Variants in CCR6 observed in about 807,000 individuals in gnomAD.
The protein encoded by CCR6 is C-C chemokine receptor type 6.
CCR6 carries 2 observed loss-of-function variants against 3.0 expected under a neutral mutation model. The observed-to-expected ratio is 0.66, with a 90% CI of 0.27 to 2.07. The LOEUF (loss-of-function observed/expected upper bound fraction) is 2.07, where lower values mean the gene tolerates loss of function less well. Ranked by LOEUF, CCR6 falls within the 30% of genes most tolerant of loss-of-function variation. The pLI, the probability that CCR6 is intolerant of heterozygous loss-of-function variation, is 0.14. For synonymous variants in CCR6, 193 were observed against 184.3 expected (o/e 1.05, Z -0.38); for missense variants, 322 against 462.8 (o/e 0.70, Z 2.79).
intron 1 of CCR6, chr6:167,126,709 A>G (rs1781674071): frequency 6.6e-6 from 1 of 152,268 alleles, no homozygotes; most frequent in African/African-American, 2.4e-5. Context: ...TCCCCATCCA[A>G]ATCTCATCTT....
At chr6:167,116,502 C>G (rs1038013606) in intron 1 of CCR6, among the ~76,000 whole-genome samples, 3 of 152,212 alleles carry the variant, frequency 2.0e-5, no homozygotes, top group Non-Finnish European at 4.4e-5. Context: ...CCTCCCTTCT[C>G]CCAGCCCAAG....
At chr6:167,133,598 C>T (rs1781801883) in intron 1 of CCR6, among the ~76,000 whole-genome samples, 2 of 148,782 alleles carry the variant, frequency 1.3e-5, no homozygotes, top group Non-Finnish European at 1.5e-5. Flanking sequence ...CCTTGAATTT[C>T]TATAAAAATT....
upstream of CCR6, among the ~76,000 whole-genome samples, chr6:167,118,386 C>A (rs1339782732): frequency 1.3e-5 from 2 of 152,152 alleles, no homozygotes; most frequent in African/African-American, 2.4e-5. Context: ...AAAGTCATGT[C>A]AAGAATCTCC....
intron 1 of CCR6, among the ~76,000 whole-genome samples, chr6:167,114,200 C>T (rs984952071): frequency 2.0e-5 from 3 of 152,212 alleles, no homozygotes; most frequent in Admixed American, 1.3e-4. Context: ...TTCCCTTGAT[C>T]GGGCTTATGT....
Position 167,123,206 on chromosome 6 carries a change from A to G in CCR6, c.-115A>G, listed in dbSNP as rs1781615495. 1 of 152,756 alleles carries G rather than the reference A, an allele frequency of 6.5e-6. No individual in the cohort carries two copies. The highest frequency in any genetic ancestry group is 2.1e-4 in the South Asian group (1 of 4,830). 9.5% of individuals were successfully genotyped at this position (152,756 alleles called of 1,614,324 possible). On this transcript the variant is annotated 5_prime_UTR_variant, in exon 1 of 3. Coordinates refer to ENST00000341935, the MANE Select transcript of CCR6 (RefSeq NM_031409.4). The stretch of plus-strand genomic sequence containing the variant: ...CCCGGAGTGAGGCTGAAGGGAGTGG[A>G]TCAGAGCACTGCCTGAGGTGAGCAT...
Position 167,136,871 on chromosome 6 carries a change from T to C in CCR6, c.641T>C (p.Met214Thr). 1 of 1,614,170 alleles carries C rather than the reference T, an allele frequency of 6.2e-7. No individual in the cohort carries two copies. The highest frequency in any genetic ancestry group is 8.5e-7 in the Non-Finnish European group (1 of 1,180,026). ...GAGCCCATCAGGTGGAAGCTGCTGA[T>C]GTTGGGGCTTGAGCTACTCTTTGGT... ...VSEPIRWKLL[M>T]LGLELLFGFF... Residue 214 changes from methionine to threonine, a missense_variant, in exon 3 of 3, where the codon ATG becomes ACG. Coordinates refer to ENST00000341935, the MANE Select transcript of CCR6 (RefSeq NM_031409.4). The surrounding 1 kb of genome is among the most constrained non-coding windows in gnomAD (Gnocchi z 4.6).
At chr6:167,121,270 G>A (rs976069431), upstream of CCR6, among the ~76,000 whole-genome samples, 2 of 152,228 alleles carry the variant, frequency 1.3e-5, no homozygotes, top group African/African-American at 4.8e-5. Flanking sequence ...CACACAACGC[G>A]GTTTTGTTCA....
Position 167,136,281 on chromosome 6 carries a change from T to C in CCR6, c.51T>C (p.Asp17=). ...GCGATGTTTTCGACTCCAGTGAAGA[T>C]TATTTTGTGTCAGTCAATACTTCAT... is the stretch of plus-strand genomic sequence containing the variant. ...NFSDVFDSSE[D]YFVSVNTSYY... Residue 17 remains aspartate (D), a synonymous_variant, in exon 3 of 3, where the codon GAT becomes GAC. Coordinates refer to ENST00000341935, the MANE Select transcript of CCR6 (RefSeq NM_031409.4). This position sits in a 1 kb window ranked among gnomAD's most constrained non-coding sequence, Gnocchi z 4.6. 3.7e-6 allele frequency: 6 copies of C among 1,609,432 alleles called. No homozygotes were observed. The highest frequency in any genetic ancestry group is 4.2e-6 in the Non-Finnish European group (5 of 1,178,090).
At chr6:167,119,577 AAC>A (rs760020891), upstream of CCR6, among the ~76,000 whole-genome samples, 5 of 152,212 alleles carry the variant, frequency 3.3e-5, no homozygotes, top group African/African-American at 4.8e-5. Flanking sequence ...GGGGTAGAAT[AAC>A]ACAGAGTGAC....
intron 1 of CCR6, among the ~76,000 whole-genome samples, chr6:167,124,174 A>C (rs1781631484): frequency 6.6e-6 from 1 of 152,192 alleles, no homozygotes; most frequent in Non-Finnish European, 1.5e-5. Flanking sequence ...CAAGGCCATA[A>C]CTAAAGCTAT....
chr6:167,116,053 A>G (rs1045551814), intron 1 of CCR6: 4 of 152,284 alleles, frequency 2.6e-5, no homozygotes, highest in African/African-American at 9.6e-5. Flanking sequence ...ACTACTGGTT[A>G]GGTGGAATTC....
chr6:167,118,241 T>C (rs1781532020), upstream of CCR6, among the ~76,000 whole-genome samples: 1 of 152,218 alleles, frequency 6.6e-6, no homozygotes, highest in South Asian at 2.1e-4. Flanking sequence ...GTGCACCTAA[T>C]GCTGTGTGAG....
Position 167,136,693 on chromosome 6 carries a change from C to A in CCR6, c.463C>A (p.Arg155=). The stretch of plus-strand genomic sequence containing the variant: ...CATTGTACAGGCGACTAAGTCATTC[C>A]GGCTCCGATCCAGAACACTACCGCG... ...IAIVQATKSF[R]LRSRTLPRSK... Residue 155 remains arginine (R), a synonymous_variant, in exon 3 of 3, where the codon CGG becomes AGG. Transcript: ENST00000341935. This position sits in a 1 kb window ranked among gnomAD's most constrained non-coding sequence, Gnocchi z 4.6. The A allele has an allele frequency of 6.2e-7, 1 of 1,614,118 alleles. No homozygotes were observed.
chr6:167,111,806 C>T (rs187407151), upstream of CCR6: 2 of 152,416 alleles, frequency 1.3e-5, no homozygotes, highest in Non-Finnish European at 2.9e-5. Flanking sequence ...GCACACCACC[C>T]AGTGTATGGG....
intron 1 of CCR6, among the ~76,000 whole-genome samples, chr6:167,125,532 T>C (rs1781658044): frequency 6.6e-6 from 1 of 152,192 alleles, no homozygotes; most frequent in Non-Finnish European, 1.5e-5. Flanking sequence ...CTGGGGCCAT[T>C]TGCCTGTGAT....
At chr6:167,127,717 T>C (rs933872662) in intron 1 of CCR6, among the ~76,000 whole-genome samples, 1 of 152,060 alleles carries the variant, frequency 6.6e-6, no homozygotes, top group African/African-American at 2.4e-5. Context: ...GCTGGGCTGT[T>C]CTCAAACTCC....
chr6:167,124,797 GCGCA>G (rs1043385241), intron 1 of CCR6, among the ~76,000 whole-genome samples: 4 of 113,376 alleles, frequency 3.5e-5, no homozygotes, highest in South Asian at 2.8e-4. Context: ...CAGCATATGC[GCGCA>G]CACACACACA....
chr6:167,136,823 A>G lies in CCR6; in HGVS notation c.593A>G (p.Glu198Gly), dbSNP rs751670111. The change falls in exon 3 of 3, where the codon GAA becomes GGA. Residue 198 changes from glutamate to glycine, a missense_variant. Physicochemically the swap from Glu to Gly is moderately conservative, Grantham distance 98. Transcript: ENST00000341935. This position sits in a 1 kb window ranked among gnomAD's most constrained non-coding sequence, Gnocchi z 4.6. ...KYNTQGSDVC[E>G]PKYQTVSEPI... ...AACACCCAAGGCAGCGATGTCTGTG[A>G]ACCCAAGTACCAGACTGTCTCGGAG... 4.1e-5 allele frequency: 66 copies of G among 1,614,014 alleles called. No individual in the cohort carries two copies. The highest frequency in any genetic ancestry group is 5.3e-5 in the Non-Finnish European group (63 of 1,180,040).
At chr6:167,118,370 G>T (rs1280528795), upstream of CCR6, among the ~76,000 whole-genome samples, 5 of 152,166 alleles carry the variant, frequency 3.3e-5, no homozygotes, top group East Asian at 9.6e-4. Flanking sequence ...TTCTTGACAT[G>T]AGTCTAAAGT....
Sources: allele counts gnomAD v4.1 joint callset (sites outside exome capture counted in the v4.1 genomes callset), GRCh38; gene constraint gnomAD v4.1.1; non-coding constraint Gnocchi (gnomAD v3.1); transcripts MANE v1.5; gene names NCBI Gene and HGNC (gene_info 2026-07-23, HGNC 2026-07-21).